CDKN1A: variants seen among roughly 807,000 people sequenced by gnomAD.
The protein encoded by CDKN1A is cyclin-dependent kinase inhibitor 1.
CDKN1A carries 14 observed loss-of-function variants against 14.8 expected under a neutral mutation model. The ratio of observed to expected loss-of-function variants is 0.94; its 90% CI spans 0.62 to 1.48. CDKN1A has a LOEUF of 1.48. Among genes scored for constraint, CDKN1A ranks in the 40% most tolerant of loss-of-function variants. The pLI, the probability that CDKN1A is intolerant of heterozygous loss-of-function variation, is 0.00. For synonymous variants in CDKN1A, 92 were observed against 93.5 expected, an observed-to-expected ratio of 0.98 and a Z score of 0.09; for missense variants, 203 against 231.7, an observed-to-expected ratio of 0.88 and a Z score of 0.80.
chr6:36,681,275 T>C (rs1562037937), intron 1 of CDKN1A, among the ~76,000 whole-genome samples: 2 of 87,238 alleles, frequency 2.3e-5, no homozygotes, highest in South Asian at 4.4e-4. Context: ...TTTCTTTCTT[T>C]CTTTTTTTCT....
chr6:36,677,897 C>T (rs1387864387), upstream of CDKN1A: 2 of 1,362,738 alleles, frequency 1.5e-6, no homozygotes, highest in Non-Finnish European at 9.7e-7. Context: ...TCCTGGCCAA[C>T]AAAGCTGCTG....
At chr6:36,678,079 G>T, upstream of CDKN1A, 1 of 386,240 alleles carries the variant, frequency 2.6e-6, no homozygotes, top group Non-Finnish European at 5.1e-6. The surrounding 1 kb of genome is among the most constrained non-coding windows in gnomAD (Gnocchi z 5.7). Flanking sequence ...TAAGTTCAGT[G>T]GACCTCAATT....
At chr6:36,677,673 T>C (rs1761738631), upstream of CDKN1A, 1 of 420,192 alleles carries the variant, frequency 2.4e-6, no homozygotes, top group Non-Finnish European at 4.6e-6. Flanking sequence ...TTATTTGGCA[T>C]TTTTGTCATT....
At chr6:36,681,335 T>TCTTTCC (rs1394507405) in intron 1 of CDKN1A, among the ~76,000 whole-genome samples, 8 of 25,690 alleles carry the variant, frequency 3.1e-4, no homozygotes, top group Admixed American at 9.3e-4. Context: ...TTTCTTTCTT[T>TCTTTCC]TTCTTTCTTT....
intron 1 of CDKN1A, among the ~76,000 whole-genome samples, chr6:36,681,408 CCTTTCTCTTTCTCTCTTT>C (rs1562038523): frequency 3.0e-5 from 2 of 66,542 alleles, no homozygotes; most frequent in African/African-American, 6.6e-5. Flanking sequence ...TTTCTTTCTT[CCTTTCTCTTTCTCTCTTT>C]CTTTCTCTTT....
Position 36,684,254 on chromosome 6 carries a change from C to T in CDKN1A, c.153C>T (p.Phe51=), listed in dbSNP as rs200541845. The change falls in exon 2 of 3, where the codon TTC becomes TTT. Residue 51 remains phenylalanine, a synonymous_variant. Coordinates refer to ENST00000244741, the MANE Select transcript of CDKN1A (RefSeq NM_000389.5). The surrounding 1 kb of genome is among the most constrained non-coding windows in gnomAD (Gnocchi z 6.0). ...CIQEARERWN[F]DFVTETPLEG... is the part of the protein sequence containing the mutation. ...AGGAGGCCCGTGAGCGATGGAACTTCGACTTTGTCACCGAGACACCACTGG... is the reference window on the plus strand; with the variant it reads ...AGGAGGCCCGTGAGCGATGGAACTTTGACTTTGTCACCGAGACACCACTGG... 13 of 1,612,636 alleles carry T rather than the reference C, an allele frequency of 8.1e-6. No homozygotes were observed. Among genetic ancestry groups the T allele is most frequent in the East Asian group, 4.5e-5 (2 of 44,876 alleles).
At chr6:36,678,021 A>C, upstream of CDKN1A, 1 of 525,534 alleles carries the variant, frequency 1.9e-6, no homozygotes, top group Non-Finnish European at 3.4e-6. The surrounding 1 kb of genome is among the most constrained non-coding windows in gnomAD (Gnocchi z 5.7). Flanking sequence ...TAGTCTCTCC[A>C]ATTCCCTCCT....
chr6:36,681,334 T>TTCTTTCTTTCTTTCTTTTTC (rs780161958), intron 1 of CDKN1A, among the ~76,000 whole-genome samples: 128 of 86,004 alleles, frequency 1.5e-3, no homozygotes, highest in East Asian at 3.3e-3. Context: ...CTTTCTTTCT[T>TTCTTTCTTTCTTTCTTTTTC]TTTCTTTCTT....
rs1762228697 is a variant in CDKN1A, at chr6:36,686,930, A to G, written c.*1130A>G. Reference sequence around the variant, plus strand: ...TCCAGCGACCTTCCTCATCCACCCCATCCCTCCCCAGTTCATTGCACTTTG... The same window carrying G: ...TCCAGCGACCTTCCTCATCCACCCCGTCCCTCCCCAGTTCATTGCACTTTG... On this transcript the variant is annotated 3_prime_UTR_variant, in exon 3 of 3. Transcript: ENST00000244741. The surrounding 1 kb of genome is among the most constrained non-coding windows in gnomAD (Gnocchi z 4.9). 8.6e-6 allele frequency: 2 copies of G among 233,800 alleles called. No individual in the cohort carries two copies. The highest frequency in any genetic ancestry group is 1.7e-5 in the Non-Finnish European group (2 of 118,192). 14.5% of individuals were successfully genotyped at this position (233,800 alleles called of 1,614,324 possible).
At chr6:36,683,771 G>C (rs1348383510) in intron 1 of CDKN1A, among the ~76,000 whole-genome samples, 1 of 152,352 alleles carries the variant, frequency 6.6e-6, no homozygotes, top group Middle Eastern at 3.4e-3. Context: ...GGACACCTCT[G>C]GGGGGAAAAC....
chr6:36,680,342 G>GTGTGTGTGTC, intron 1 of CDKN1A: 1 of 152,482 alleles, frequency 6.6e-6, no homozygotes, highest in South Asian at 2.1e-4. Flanking sequence ...GTGTGTGTGT[G>GTGTGTGTGTC]TGTCTGTGTC....
chr6:36,685,990 T>G lies in CDKN1A; in HGVS notation c.*190T>G. 1.6e-6 allele frequency: 1 copy of G among 638,410 alleles called. No individual in the cohort carries two copies. The highest frequency in any genetic ancestry group is 1.8e-5 in the South Asian group (1 of 56,324). 39.5% of individuals were successfully genotyped at this position (638,410 alleles called of 1,614,324 possible). A position where few individuals can be genotyped will look rare whatever the true frequency, so the allele number is the denominator to read the frequency against. On this transcript the variant is annotated 3_prime_UTR_variant, in exon 3 of 3. Transcript: ENST00000244741. Reference sequence around the variant, plus strand: ...GCATTAGAATTATTTAAACAAAAACTAGGCGGTTGAATGAGAGGTTCCTAA... The same window carrying G: ...GCATTAGAATTATTTAAACAAAAACGAGGCGGTTGAATGAGAGGTTCCTAA...
upstream of CDKN1A, chr6:36,677,824 G>C: frequency 7.6e-7 from 1 of 1,322,782 alleles, no homozygotes; most frequent in Non-Finnish European, 1.0e-6. Flanking sequence ...TTCCCCAGCA[G>C]TGTATACGGG....
intron 1 of CDKN1A, among the ~76,000 whole-genome samples, chr6:36,681,334 T>TTCTTTCTTTCTCTTTC (rs780161958): frequency 4.6e-5 from 4 of 86,136 alleles, no homozygotes; most frequent in East Asian, 3.0e-4. Flanking sequence ...CTTTCTTTCT[T>TTCTTTCTTTCTCTTTC]TTTCTTTCTT....
intron 1 of CDKN1A, among the ~76,000 whole-genome samples, chr6:36,681,273 T>TCTCTTTCC: frequency 2.1e-5 from 2 of 94,142 alleles, no homozygotes; most frequent in East Asian, 2.7e-4. Flanking sequence ...CTTTTCTTTC[T>TCTCTTTCC]TTCTTTTTTT....
chr6:36,681,452 T>G (rs998118279), intron 1 of CDKN1A, among the ~76,000 whole-genome samples: 1 of 149,690 alleles, frequency 6.7e-6, no homozygotes, highest in African/African-American at 2.5e-5. Flanking sequence ...TTTCTTTCTT[T>G]TCTTTCGACA....
intron 1 of CDKN1A, among the ~76,000 whole-genome samples, chr6:36,681,585 ATTTTTTTTT>A (rs908259380): frequency 7.4e-5 from 5 of 67,450 alleles, no homozygotes; most frequent in African/African-American, 1.2e-4. Flanking sequence ...CCATGCCCAG[ATTTTTTTTT>A]TTTTTTTTTT....
chr6:36,684,164 C>T lies in CDKN1A; in HGVS notation c.63C>T (p.Leu21=), dbSNP rs772910608. 1 of 1,612,608 alleles carries T rather than the reference C, an allele frequency of 6.2e-7. No individual in the cohort carries two copies. The highest frequency in any genetic ancestry group is 8.5e-7 in the Non-Finnish European group (1 of 1,180,018). ...NPCGSKACRR[L]FGPVDSEQLS... ...GCGGCAGCAAGGCCTGCCGCCGCCT[C>T]TTCGGCCCAGTGGACAGCGAGCAGC... The change falls in exon 2 of 3, where the codon CTC becomes CTT. Residue 21 remains leucine, a synonymous_variant. Coordinates refer to ENST00000244741, the MANE Select transcript of CDKN1A (RefSeq NM_000389.5). This position sits in a 1 kb window ranked among gnomAD's most constrained non-coding sequence, Gnocchi z 6.0.
In CDKN1A at chr6:36,686,391, G is replaced by GT. The variant is rs1431092774; in HGVS notation, c.*592dup. On this transcript the variant is annotated 3_prime_UTR_variant, in exon 3 of 3. Transcript: ENST00000244741. This position sits in a 1 kb window ranked among gnomAD's most constrained non-coding sequence, Gnocchi z 4.9. Reference sequence around the variant, plus strand: ...AGCCTAGGGCTGAGCTGGGGACCTGGTACCCTCCTGGCTCTTGATACCCCC... The same window carrying GT: ...AGCCTAGGGCTGAGCTGGGGACCTGGTTACCCTCCTGGCTCTTGATACCCCC... 27 of 240,948 alleles carry GT rather than the reference G, an allele frequency of 1.1e-4. No homozygotes were observed. Among genetic ancestry groups the GT allele is most frequent in the Admixed American group, 2.1e-4 (4 of 19,180 alleles). The allele number at this position is 240,948 out of a possible 1,614,324, so 14.9% of individuals were successfully genotyped here.
Sources: allele counts gnomAD v4.1 joint callset (sites outside exome capture counted in the v4.1 genomes callset), GRCh38; gene constraint gnomAD v4.1.1; non-coding constraint Gnocchi (gnomAD v3.1); transcripts MANE v1.5; gene names NCBI Gene and HGNC (gene_info 2026-07-23, HGNC 2026-07-21).